Variants in KHDRBS2 observed in about 807,000 individuals in gnomAD.
The protein encoded by KHDRBS2 is KH RNA binding domain containing, signal transduction associated 2.
Under a neutral mutation model 44.3 loss-of-function variants are expected in KHDRBS2, and 26 were observed. The ratio of observed to expected loss-of-function variants is 0.59; its 90% CI spans 0.43 to 0.81. The LOEUF (loss-of-function observed/expected upper bound fraction) is 0.81, where lower values mean the gene tolerates loss of function less well. Among genes scored for constraint, KHDRBS2 ranks in the 40% least tolerant of loss-of-function variants. The pLI, the probability that KHDRBS2 is intolerant of heterozygous loss-of-function variation, is 0.00. For missense variants in KHDRBS2, 476 were observed against 433.1 expected, an observed-to-expected ratio of 1.10 and a Z score of -0.88; for synonymous variants, 194 against 151.1, an observed-to-expected ratio of 1.28 and a Z score of -2.08.
chr6:61,931,330 G>A (rs886863711), intron 4 of KHDRBS2, among the ~76,000 whole-genome samples: 6 of 151,696 alleles, frequency 4.0e-5, no homozygotes, highest in African/African-American at 1.5e-4. Context: ...TTTTTATAAA[G>A]GTTGGAAGTT....
intron 7 of KHDRBS2, among the ~76,000 whole-genome samples, chr6:61,731,582 C>T (rs927855791): frequency 6.6e-6 from 1 of 151,984 alleles, no homozygotes; most frequent in African/African-American, 2.4e-5. Flanking sequence ...ACTATAATGA[C>T]CTTTAAGTTG....
chr6:62,233,718 T>C (rs1833246343), intron 1 of KHDRBS2, among the ~76,000 whole-genome samples: 1 of 152,150 alleles, frequency 6.6e-6, no homozygotes, highest in African/African-American at 2.4e-5. Flanking sequence ...TAGCACCCAC[T>C]TCTAAGTGAG....
chr6:61,588,577 G>T, the KHDRBS2 span, among the ~76,000 whole-genome samples: 57 of 152,226 alleles, frequency 3.7e-4, no homozygotes, highest in Non-Finnish European at 6.8e-4. Context: ...GAGACTGGGA[G>T]TTTGAGATCA....
chr6:61,795,144 C>CAAAAAAAAA (rs1166333660), intron 6 of KHDRBS2, among the ~76,000 whole-genome samples: 2 of 59,670 alleles, frequency 3.4e-5, no homozygotes, highest in African/African-American at 6.2e-5. Flanking sequence ...GACTCCGTCT[C>CAAAAAAAAA]AAAAAAAAAA....
chr6:62,085,198 T>C (rs1191816232), intron 2 of KHDRBS2, among the ~76,000 whole-genome samples: 1 of 152,132 alleles, frequency 6.6e-6, no homozygotes, highest in Admixed American at 6.6e-5. Flanking sequence ...CATTATTTAT[T>C]TGAGACACAA....
chr6:61,963,207 C>T lies in KHDRBS2; in HGVS notation c.483+14859G>A, dbSNP rs188907553. On this transcript the variant is annotated intron_variant, in intron 4 of 8. Coordinates refer to ENST00000281156, the MANE Select transcript of KHDRBS2 (RefSeq NM_152688.4). ...TATGTTCTAAACATGAGATAAACTC[C>T]TGGTTTAATGTAATTATAAATTATG... is the stretch of plus-strand genomic sequence containing the variant. Among the ~76,000 whole-genome samples, 355 of 151,988 alleles carry T rather than the reference C, an allele frequency of 2.3e-3. 3 individuals carry two copies. Among genetic ancestry groups the T allele is most frequent in the African/African-American group, 8.0e-3 (333 of 41,464 alleles).
At chr6:61,648,721 C>T in the KHDRBS2 span, among the ~76,000 whole-genome samples, 1 of 152,116 alleles carries the variant, frequency 6.6e-6, no homozygotes, top group African/African-American at 2.4e-5. Context: ...AGTTTTATCT[C>T]AAAGAAGCCA....
chr6:62,010,455 T>G (rs1215971432), intron 3 of KHDRBS2, among the ~76,000 whole-genome samples: 2 of 152,118 alleles, frequency 1.3e-5, no homozygotes, highest in African/African-American at 4.8e-5. Context: ...TGGGGGACTG[T>G]TGGGAAGGCA....
chr6:61,659,564 A>G, the KHDRBS2 span, among the ~76,000 whole-genome samples: 1 of 151,976 alleles, frequency 6.6e-6, no homozygotes, highest in South Asian at 2.1e-4. Context: ...AATCACAGTT[A>G]TTTTTATTAA....
chr6:61,725,964 C>T (rs7772950), intron 7 of KHDRBS2, among the ~76,000 whole-genome samples: 54,478 of 151,918 alleles, frequency 0.36, 10,486 homozygotes, highest in East Asian at 0.48. Context: ...TGGCATCATC[C>T]TGATGCCAAA....
chr6:61,673,488 C>G, the KHDRBS2 span, among the ~76,000 whole-genome samples: 3 of 149,896 alleles, frequency 2.0e-5, no homozygotes, highest in African/African-American at 7.3e-5. Flanking sequence ...CAAATTGTCC[C>G]TGTTTGCAGA....
At chr6:62,031,102 G>C (rs866732794) in intron 3 of KHDRBS2, among the ~76,000 whole-genome samples, 6 of 152,066 alleles carry the variant, frequency 3.9e-5, no homozygotes, top group South Asian at 2.1e-4. Flanking sequence ...AAGCAGATTA[G>C]AGCTCACCAG....
At chr6:62,245,440 A>G (rs1487627319) in intron 1 of KHDRBS2, among the ~76,000 whole-genome samples, 1 of 152,128 alleles carries the variant, frequency 6.6e-6, no homozygotes, top group African/African-American at 2.4e-5. Flanking sequence ...CCTGACATCA[A>G]ATAATTATGT....
intron 3 of KHDRBS2, among the ~76,000 whole-genome samples, chr6:62,014,636 G>T (rs1256362052): frequency 2.0e-5 from 3 of 152,054 alleles, no homozygotes; most frequent in African/African-American, 7.2e-5. Flanking sequence ...TAAGCAACAT[G>T]AAATCCAAAT....
chr6:61,648,589 C>T, the KHDRBS2 span, among the ~76,000 whole-genome samples: 1 of 152,112 alleles, frequency 6.6e-6, no homozygotes, highest in East Asian at 1.9e-4. Context: ...AGGACAGCAC[C>T]ATATGAAGAC....
chr6:61,748,372 A>G (rs1408876321), intron 6 of KHDRBS2, among the ~76,000 whole-genome samples: 10 of 152,050 alleles, frequency 6.6e-5, no homozygotes, highest in African/African-American at 1.7e-4. Context: ...TATTTTTGAT[A>G]CCTCAGATTT....
chr6:61,803,878 A>G (rs1239633028), intron 6 of KHDRBS2, among the ~76,000 whole-genome samples: 1 of 152,060 alleles, frequency 6.6e-6, no homozygotes, highest in African/African-American at 2.4e-5. Flanking sequence ...CAGGTCCATG[A>G]TCTAATCACC....
intron 4 of KHDRBS2, among the ~76,000 whole-genome samples, chr6:61,944,905 A>C (rs189140750): frequency 9.3e-4 from 141 of 151,588 alleles, no homozygotes; most frequent in African/African-American, 3.3e-3. Flanking sequence ...AGTCTGGCCA[A>C]CATGAGGAAA....
At chr6:61,578,513 G>C in the KHDRBS2 span, among the ~76,000 whole-genome samples, 1 of 151,980 alleles carries the variant, frequency 6.6e-6, no homozygotes, top group Non-Finnish European at 1.5e-5. Context: ...CTTTCAGTCG[G>C]GTAAAATGTT....
Sources: gnomAD v4.1 joint callset for allele counts (sites outside exome capture counted in the v4.1 genomes callset) on GRCh38, gnomAD v4.1.1 for gene constraint, MANE v1.5 for transcripts, NCBI Gene and HGNC (gene_info 2026-07-23, HGNC 2026-07-21) for gene names.